NBEAL2: variants seen among roughly 807,000 people sequenced by gnomAD.
NBEAL2 encodes neurobeachin like 2.
In NBEAL2, 160 loss-of-function variants were observed where a neutral mutation model predicts 299.8. That is an observed-to-expected ratio of 0.53 (90% CI 0.47 to 0.61). NBEAL2 has a LOEUF of 0.61. Ranked by LOEUF, NBEAL2 falls within the 20% of genes least tolerant of loss-of-function variation. The pLI is 0.00. For synonymous variants in NBEAL2, 1,493 were observed against 1,542.3 expected (o/e 0.97, Z 0.75); for missense variants, 3,112 against 3,649.0 (o/e 0.85, Z 3.79).
Position 47,000,350 on chromosome 3 carries a change from C to T in NBEAL2, c.4251C>T (p.Ser1417=). The T allele has an allele frequency of 1.3e-6, 2 of 1,599,590 alleles. No individual in the cohort carries two copies. Among genetic ancestry groups the T allele is most frequent in the Non-Finnish European group, 1.7e-6 (2 of 1,170,496 alleles). The change falls in exon 27 of 54, where the codon AGC becomes AGT. Residue 1417 remains serine, a synonymous_variant. Transcript: ENST00000450053. This position sits in a 1 kb window ranked among gnomAD's most constrained non-coding sequence, Gnocchi z 4.5. ...TCTCCAATGTGCTGGAGGACGGCAG[C>T]CTCCCGGAGCCCACCATTAGCGGGG... ...SSLSNVLEDG[S]LPEPTISGDD...
intron 1 of NBEAL2, chr3:46,981,913 CCCT>C (rs2035375478): frequency 6.6e-6 from 1 of 152,292 alleles, no homozygotes; most frequent in African/African-American, 2.4e-5. Context: ...CTGAGCCTCC[CCCT>C]CCCGGAGCTC....
intron 19 of NBEAL2, 55 bp downstream of exon 19, chr3:46,997,488 G>A: frequency 6.3e-7 from 1 of 1,592,970 alleles, no homozygotes; most frequent in Non-Finnish European, 8.6e-7. Flanking sequence ...TGGTAGGGGG[G>A]TGGAATGCCC....
chr3:46,984,082 C>G (rs1331428633), intron 1 of NBEAL2, among the ~76,000 whole-genome samples: 2 of 150,612 alleles, frequency 1.3e-5, no homozygotes, highest in African/African-American at 4.9e-5. Context: ...GGGCAGATCA[C>G]GAGGTCAGGA....
At position 46,992,698 on chromosome 3, in the gene NBEAL2, G is replaced by A. The variant is rs138589392; in HGVS notation, c.1113+143G>A. Reference sequence around the variant, plus strand: ...GGGTGTGGGTCCTCCATGCTGTCTCGCCTGCCTTCCAAGTCCCCATCCTAG... The same window carrying A: ...GGGTGTGGGTCCTCCATGCTGTCTCACCTGCCTTCCAAGTCCCCATCCTAG... On this transcript the variant is annotated intron_variant, in intron 10 of 53. Transcript: ENST00000450053. 217 of 780,132 alleles carry A rather than the reference G, an allele frequency of 2.8e-4. 2 individuals carry two copies. The highest frequency in any genetic ancestry group is 1.2e-4 in the Admixed American group (5 of 42,012). The allele number at this position is 780,132 out of a possible 1,614,324, so 48.3% of individuals were successfully genotyped here. A position where few individuals can be genotyped will look rare whatever the true frequency, so the allele number is the denominator to read the frequency against.
Position 46,997,009 on chromosome 3 carries a change from G to C in NBEAL2, c.2612G>C (p.Arg871Pro). The change falls in exon 18 of 54, where the codon CGC (arginine) becomes CCC (proline). Residue 871 changes from arginine (R) to proline (P), a missense_variant. Physicochemically the swap from Arg to Pro is moderately radical, Grantham distance 103. Transcript: ENST00000450053. Reference protein sequence around the residue: ...DLSPSHGLDGRLTGHRVETWD... With the variant: ...DLSPSHGLDGPLTGHRVETWD... ...TCCCCCAGTCATGGGCTTGATGGGCGCCTGACGGGCCACAGAGTGGAGACC... is the reference window on the plus strand; with the variant it reads ...TCCCCCAGTCATGGGCTTGATGGGCCCCTGACGGGCCACAGAGTGGAGACC... 1 of 1,613,366 alleles carries C rather than the reference G, an allele frequency of 6.2e-7. No homozygotes were observed. Among genetic ancestry groups the C allele is most frequent in the Non-Finnish European group, 8.5e-7 (1 of 1,179,808 alleles).
chr3:47,006,848 C>T (rs939478429), intron 45 of NBEAL2, among the ~76,000 whole-genome samples: 8 of 152,154 alleles, frequency 5.3e-5, no homozygotes, highest in Non-Finnish European at 1.2e-4. Flanking sequence ...AAGTGTGATA[C>T]TCTGGAAGCA....
chr3:47,009,559 C>G lies in NBEAL2; in HGVS notation c.*239C>G, dbSNP rs752099575. ...CCAGCACTGGCGTCTGCGGCCGCAG[C>G]AGCACTTTTTGCACAGTCTGGGGCG... On this transcript the variant is annotated 3_prime_UTR_variant, in exon 54 of 54. Coordinates refer to ENST00000450053, the MANE Select transcript of NBEAL2 (RefSeq NM_015175.3). The G allele has an allele frequency of 1.8e-6, 1 of 557,980 alleles. No individual in the cohort carries two copies. The highest frequency in any genetic ancestry group is 3.2e-6 in the Non-Finnish European group (1 of 316,008). 34.6% of individuals were successfully genotyped at this position (557,980 alleles called of 1,614,324 possible).
Position 46,991,823 on chromosome 3 carries a change from C to T in NBEAL2, c.926-17C>T, listed in dbSNP as rs1262723833. On this transcript the variant is annotated splice_polypyrimidine_tract_variant and intron_variant, in intron 8 of 53. Transcript: ENST00000450053. This position sits in a 1 kb window ranked among gnomAD's most constrained non-coding sequence, Gnocchi z 6.2. ...TAGAGGGGTCTGGGCAGGGCCTGAC[C>T]CTTGACCCTTCCACAGACGCCATCC... is the stretch of plus-strand genomic sequence containing the variant. 1 of 1,581,844 alleles carries T rather than the reference C, an allele frequency of 6.3e-7. No homozygotes were observed. The highest frequency in any genetic ancestry group is 8.6e-7 in the Non-Finnish European group (1 of 1,164,032).
In NBEAL2 at chr3:46,982,832, T is replaced by C. The variant is rs950790960; in HGVS notation, c.51+2920T>C. Among the ~76,000 whole-genome samples, 7 of 151,840 alleles carry C rather than the reference T, an allele frequency of 4.6e-5. No individual in the cohort carries two copies. The highest frequency in any genetic ancestry group is 1.5e-4 in the African/African-American group (6 of 41,296). ...GCAGGCCTGGTGGACAGGTGGGGGC[T>C]CATCTAGAGGACTCAGAGCCCACCA... is the stretch of plus-strand genomic sequence containing the variant. On this transcript the variant is annotated intron_variant, in intron 1 of 53. Coordinates refer to ENST00000450053, the MANE Select transcript of NBEAL2 (RefSeq NM_015175.3). The surrounding 1 kb of genome is among the most constrained non-coding windows in gnomAD (Gnocchi z 4.2).
Position 47,005,049 on chromosome 3 carries a change from G to C in NBEAL2, c.6372G>C (p.Lys2124Asn). 6.2e-7 allele frequency: 1 copy of C among 1,613,644 alleles called. No individual in the cohort carries two copies. The highest frequency in any genetic ancestry group is 8.5e-7 in the Non-Finnish European group (1 of 1,179,790). ...CAGCCGTCTTCCGGGACCTGTCTAAGCCCATCGGTGTGGTGAACCCCAAGC... is the reference window on the plus strand; with the variant it reads ...CAGCCGTCTTCCGGGACCTGTCTAACCCCATCGGTGTGGTGAACCCCAAGC... ...SNPAVFRDLS[K>N]PIGVVNPKHA... Residue 2124 changes from lysine to asparagine, a missense_variant, in exon 39 of 54, where the codon AAG (lysine) becomes AAC (asparagine). By Grantham distance (94) the Lys-to-Asn change is moderately conservative (BLOSUM62 0). Coordinates refer to ENST00000450053, the MANE Select transcript of NBEAL2 (RefSeq NM_015175.3).
chr3:47,006,129 C>G, intron 43 of NBEAL2, 36 bp from the exon 44 acceptor site: 1 of 1,612,838 alleles, frequency 6.2e-7, no homozygotes, highest in Non-Finnish European at 8.5e-7. Context: ...GCAGAGGGCA[C>G]GCAGGGAGCC....
In NBEAL2 at chr3:47,000,275, G is replaced by C; in HGVS notation, c.4176G>C (p.Leu1392=). Residue 1392 remains leucine, a synonymous_variant, in exon 27 of 54, where the codon CTG becomes CTC. Coordinates refer to ENST00000450053, the MANE Select transcript of NBEAL2 (RefSeq NM_015175.3). This position sits in a 1 kb window ranked among gnomAD's most constrained non-coding sequence, Gnocchi z 4.5. ...PASQPGTPSP[L]DGPRPFPAAP... Reference sequence around the variant, plus strand: ...GCCAGCCCGGCACTCCTTCGCCACTGGATGGGCCGCGGCCCTTTCCTGCTG... The same window carrying C: ...GCCAGCCCGGCACTCCTTCGCCACTCGATGGGCCGCGGCCCTTTCCTGCTG... The C allele has an allele frequency of 6.2e-7, 1 of 1,613,032 alleles. No individual in the cohort carries two copies. The highest frequency in any genetic ancestry group is 8.5e-7 in the Non-Finnish European group (1 of 1,179,880).
chr3:46,987,501 G>A (rs1489782498), intron 1 of NBEAL2, among the ~76,000 whole-genome samples: 3 of 152,240 alleles, frequency 2.0e-5, no homozygotes, highest in Non-Finnish European at 4.4e-5. Flanking sequence ...AGAGATTAGA[G>A]CAGATACGGG....
At chr3:46,981,225 A>C (rs889353505) in intron 1 of NBEAL2, among the ~76,000 whole-genome samples, 1 of 152,148 alleles carries the variant, frequency 6.6e-6, no homozygotes, top group African/African-American at 2.4e-5. Flanking sequence ...CGGGCAGATC[A>C]CAAGGTCAGG....
At chr3:47,005,140 G>GA (rs748905553) in intron 39 of NBEAL2, 41 bp from the exon 40 acceptor site, 1 of 1,613,824 alleles carries the variant, frequency 6.2e-7, no homozygotes, top group South Asian at 1.1e-5. Context: ...AGGGAAAGGC[G>GA]AGGGGAGGGC....
Position 47,000,666 on chromosome 3 carries a change from C to T in NBEAL2, c.4305+262C>T, listed in dbSNP as rs1444905228. On this transcript the variant is annotated intron_variant, in intron 27 of 53. Transcript: ENST00000450053. This position sits in a 1 kb window ranked among gnomAD's most constrained non-coding sequence, Gnocchi z 4.5. ...AGGGCCCTCAAGAGAGCCTGTAGGGCAGACACCTCACAGGGTCCAAGGGCA... is the reference window on the plus strand; with the variant it reads ...AGGGCCCTCAAGAGAGCCTGTAGGGTAGACACCTCACAGGGTCCAAGGGCA... Among the ~76,000 whole-genome samples, 3 of 152,174 alleles carry T rather than the reference C, an allele frequency of 2.0e-5. No individual in the cohort carries two copies. The highest frequency in any genetic ancestry group is 2.0e-4 in the Admixed American group (3 of 15,280).
intron 16 of NBEAL2, 31 bp downstream of exon 16, chr3:46,996,623 C>T (rs1231797082): frequency 6.7e-7 from 1 of 1,486,784 alleles, no homozygotes; most frequent in Non-Finnish European, 8.9e-7. Context: ...CTGCCACAGC[C>T]CCAGGCCAGA....
Position 47,007,510 on chromosome 3 carries a change from C to G in NBEAL2, c.7335-15C>G, listed in dbSNP as rs1400402956. 3.7e-6 allele frequency: 6 copies of G among 1,604,278 alleles called. No individual in the cohort carries two copies. Among genetic ancestry groups the G allele is most frequent in the Non-Finnish European group, 5.1e-6 (6 of 1,175,140 alleles). On this transcript the variant is annotated splice_polypyrimidine_tract_variant and intron_variant, in intron 47 of 53. Coordinates refer to ENST00000450053, the MANE Select transcript of NBEAL2 (RefSeq NM_015175.3). ...TGTGGCCTGGCCTCACTTGCTATCC[C>G]CCTCACTGGGTCAGGACGCAGCGAC... is the stretch of plus-strand genomic sequence containing the variant.
intron 47 of NBEAL2, 52 bp from the exon 48 acceptor site, chr3:47,007,473 G>T: frequency 6.3e-7 from 1 of 1,578,730 alleles, no homozygotes; most frequent in Non-Finnish European, 8.6e-7. Context: ...CTGAGGGCCT[G>T]GGTCTCTTCC....
Sources: gnomAD v4.1 joint callset for allele counts (sites outside exome capture counted in the v4.1 genomes callset) on GRCh38, gnomAD v4.1.1 for gene constraint, Gnocchi (gnomAD v3.1) non-coding constraint, MANE v1.5 for transcripts, NCBI Gene and HGNC (gene_info 2026-07-23, HGNC 2026-07-21) for gene names.